COBL: variants seen among roughly 807,000 people sequenced by gnomAD.
COBL encodes the protein cordon-bleu WH2 repeat protein, also known as protein cordon-bleu.
In COBL, 51 loss-of-function variants were observed where a neutral mutation model predicts 98.8. The ratio of observed to expected loss-of-function variants is 0.52; its 90% CI spans 0.41 to 0.65. The LOEUF (loss-of-function observed/expected upper bound fraction) is 0.65, where lower values mean the gene tolerates loss of function less well. COBL is among the 30% of genes least tolerant of loss of function. COBL has a pLI of 0.00. For synonymous variants in COBL, 634 were observed against 651.7 expected, an observed-to-expected ratio of 0.97 and a Z score of 0.41; for missense variants, 1,617 against 1,617.5, an observed-to-expected ratio of 1.00 and a Z score of 0.01.
chr7:51,237,509 C>CCACA (rs2129115899), intron 1 of COBL, among the ~76,000 whole-genome samples: 1 of 142,022 alleles, frequency 7.0e-6, no homozygotes, highest in African/African-American at 2.6e-5. Context: ...TATACATAAA[C>CCACA]TGTGAGTCCC....
intron 6 of COBL, among the ~76,000 whole-genome samples, chr7:51,092,564 T>C (rs897350609): frequency 1.3e-5 from 2 of 152,228 alleles, no homozygotes; most frequent in Non-Finnish European, 2.9e-5. Flanking sequence ...GTGTTCTTGA[T>C]ACCTTTGTCA....
In COBL at chr7:51,043,637, C is replaced by A. The variant is rs763150379; in HGVS notation, c.1152G>T (p.Val384=). ...SHCSPDGAPQ[V]LSEAEETVSV... ...ACACGGTCTCCTCCGCCTCTGACAG[C>A]ACCTGCGGGGCTCCATCCGGGCTGC... Residue 384 remains valine (V), a synonymous_variant, in exon 8 of 13, where the codon GTG becomes GTT. Transcript: ENST00000265136. 1.2e-5 allele frequency: 19 copies of A among 1,614,102 alleles called. No homozygotes were observed. The highest frequency in any genetic ancestry group is 1.4e-5 in the Non-Finnish European group (17 of 1,180,048).
intron 1 of COBL, among the ~76,000 whole-genome samples, chr7:51,314,844 GA>G (rs1803381965): frequency 6.6e-6 from 1 of 152,148 alleles, no homozygotes; most frequent in Non-Finnish European, 1.5e-5. Context: ...ATTCAAATAT[GA>G]AAGCCAATCA....
intron 5 of COBL, among the ~76,000 whole-genome samples, chr7:51,181,334 G>A (rs535757583): frequency 7.2e-5 from 11 of 152,238 alleles, no homozygotes; most frequent in East Asian, 5.8e-4. Flanking sequence ...TCCCACACCC[G>A]CCTGAGCTAA....
intron 7 of COBL, among the ~76,000 whole-genome samples, chr7:51,069,821 C>A (rs1302705022): frequency 6.6e-6 from 1 of 152,172 alleles, no homozygotes; most frequent in Non-Finnish European, 1.5e-5. Context: ...ATGATAGATA[C>A]TGACTATTCC....
chr7:51,274,947 A>G (rs1218115197), intron 1 of COBL, among the ~76,000 whole-genome samples: 1 of 152,362 alleles, frequency 6.6e-6, no homozygotes, highest in Middle Eastern at 3.4e-3. Context: ...ATGTACGCAC[A>G]TGGCTTTGTC....
intron 1 of COBL, among the ~76,000 whole-genome samples, chr7:51,255,568 GT>G (rs970863330): frequency 2.0e-5 from 3 of 152,264 alleles, no homozygotes; most frequent in Non-Finnish European, 2.9e-5. Flanking sequence ...CCAGGCCTGG[GT>G]TCACCCATGG....
chr7:51,213,299 T>C (rs10241691), intron 2 of COBL, among the ~76,000 whole-genome samples: 17,128 of 152,242 alleles, frequency 0.11, 1,248 homozygotes, highest in South Asian at 0.21. Context: ...AGTGAACAAG[T>C]AAGCATTTCC....
intron 6 of COBL, 98 bp downstream of exon 6, chr7:51,136,060 A>G: frequency 6.9e-7 from 1 of 1,452,592 alleles, no homozygotes; most frequent in Non-Finnish European, 9.3e-7. Flanking sequence ...CGCTACAGCC[A>G]CAAACATGAA....
intron 1 of COBL, among the ~76,000 whole-genome samples, chr7:51,311,166 C>G (rs1038070645): frequency 2.0e-5 from 3 of 152,154 alleles, no homozygotes; most frequent in Non-Finnish European, 4.4e-5. Flanking sequence ...AGCTTTTTCT[C>G]TTTTTTAATA....
intron 1 of COBL, among the ~76,000 whole-genome samples, chr7:51,257,905 T>C (rs938927341): frequency 2.6e-5 from 4 of 152,190 alleles, no homozygotes; most frequent in Admixed American, 6.5e-5. Context: ...CAAGCAGGTA[T>C]TGATAATCAA....
At chr7:51,307,256 G>C (rs1456942914) in intron 1 of COBL, among the ~76,000 whole-genome samples, 2 of 152,162 alleles carry the variant, frequency 1.3e-5, no homozygotes, top group African/African-American at 4.8e-5. Flanking sequence ...GGCTGAGGCA[G>C]GAGAATTGCT....
chr7:51,299,931 C>A (rs1013621801), intron 1 of COBL, among the ~76,000 whole-genome samples: 1 of 152,194 alleles, frequency 6.6e-6, no homozygotes, highest in African/African-American at 2.4e-5. Context: ...TGAAAGTCTG[C>A]AGATGCTCAC....
intron 6 of COBL, among the ~76,000 whole-genome samples, chr7:51,105,002 G>A (rs572713674): frequency 2.6e-5 from 4 of 151,986 alleles, no homozygotes; most frequent in African/African-American, 4.8e-5. Flanking sequence ...TTGGGAAATC[G>A]AAACTTAAGC....
At chr7:51,258,731 A>G (rs1178859306) in intron 1 of COBL, among the ~76,000 whole-genome samples, 1 of 152,188 alleles carries the variant, frequency 6.6e-6, no homozygotes, top group African/African-American at 2.4e-5. Flanking sequence ...GTAATTTCAA[A>G]AAGAGTTAAG....
chr7:51,304,904 C>A (rs958216117), intron 1 of COBL, among the ~76,000 whole-genome samples: 1 of 152,078 alleles, frequency 6.6e-6, no homozygotes, highest in Non-Finnish European at 1.5e-5. Context: ...CAGGGGAGGG[C>A]GGATGTGTGG....
At chr7:51,266,396 T>G (rs55692347) in intron 1 of COBL, among the ~76,000 whole-genome samples, 1 of 151,970 alleles carries the variant, frequency 6.6e-6, no homozygotes, top group Non-Finnish European at 1.5e-5. Context: ...CTGACCAACA[T>G]GGAGAAACCC....
intron 5 of COBL, among the ~76,000 whole-genome samples, chr7:51,152,165 G>A (rs994625008): frequency 6.6e-6 from 1 of 152,212 alleles, no homozygotes; most frequent in African/African-American, 2.4e-5. Context: ...GGAACACTCT[G>A]GCTACGCACA....
At chr7:51,109,021 G>A (rs761835785) in intron 6 of COBL, among the ~76,000 whole-genome samples, 4 of 150,680 alleles carry the variant, frequency 2.7e-5, no homozygotes, top group African/African-American at 9.8e-5. Flanking sequence ...CCTTAGTCTC[G>A]GTCACCCCAC....
Sources: allele counts gnomAD v4.1 joint callset (sites outside exome capture counted in the v4.1 genomes callset), GRCh38; gene constraint gnomAD v4.1.1; transcripts MANE v1.5; gene names NCBI Gene and HGNC (gene_info 2026-07-23, HGNC 2026-07-21).